Variants in FNDC5 observed in about 807,000 individuals in gnomAD.
The protein encoded by FNDC5 is fibronectin type III domain-containing protein 5.
In FNDC5, 10 loss-of-function variants were observed where a neutral mutation model predicts 24.6. That is an observed-to-expected ratio of 0.41 (90% CI 0.25 to 0.69). The LOEUF (loss-of-function observed/expected upper bound fraction) is 0.69, where lower values mean the gene tolerates loss of function less well. FNDC5 is among the 30% of genes least tolerant of loss of function. The pLI is 0.34. For missense variants in FNDC5, 226 were observed against 282.9 expected (o/e 0.80, Z 1.44); for synonymous variants, 90 against 110.7 (o/e 0.81, Z 1.18).
At chr1:32,870,627 C>T in intron 1 of FNDC5, 26 bp downstream of exon 1, 1 of 1,190,680 alleles carries the variant, frequency 8.4e-7, no homozygotes, top group Non-Finnish European at 1.0e-6. Flanking sequence ...GCCCCGGCGC[C>T]GGCCCCCCGC....
Position 32,863,717 on chromosome 1 carries a change from C to T in FNDC5, c.*577G>A, listed in dbSNP as rs745717447. On this transcript the variant is annotated 3_prime_UTR_variant, in exon 6 of 6. Coordinates refer to ENST00000373471, the MANE Select transcript of FNDC5 (RefSeq NM_153756.3). ...ACCAGCTGAGAAGAAAAATGGAATC[C>T]TTCTCCCTGCAGACAGGCAGTCACG... 2.7e-5 allele frequency: 35 copies of T among 1,304,430 alleles called. No homozygotes were observed. In the South Asian group the frequency reaches 4.1e-4, roughly 15 times the overall value. The allele number at this position is 1,304,430 out of a possible 1,614,324, so 80.8% of individuals were successfully genotyped here. A position where few individuals can be genotyped will look rare whatever the true frequency, so the allele number is the denominator to read the frequency against.
rs898810264 is a variant in FNDC5, at chr1:32,868,449, C to T, written c.211-61G>A. The T allele has an allele frequency of 4.5e-6, 7 of 1,543,194 alleles. No homozygotes were observed. The highest frequency in any genetic ancestry group is 4.1e-5 in the African/African-American group (3 of 73,510). ...GGTGACCAGCCCCGCTCCTGCCCAC[C>T]TCCCAGTGGTGACAAAGCCTTTACA... On this transcript the variant is annotated intron_variant, in intron 2 of 5. Coordinates refer to ENST00000373471, the MANE Select transcript of FNDC5 (RefSeq NM_153756.3). This position sits in a 1 kb window ranked among gnomAD's most constrained non-coding sequence, Gnocchi z 4.8.
At position 32,863,636 on chromosome 1, in the gene FNDC5, T is replaced by C. The variant is rs1382213633; in HGVS notation, c.*658A>G. Reference sequence around the variant, plus strand: ...GAGAAGAGAGAACTGTGCAGCTAGCTGTGCCTCCTCCCCACTGCTGCAGTT... The same window carrying C: ...GAGAAGAGAGAACTGTGCAGCTAGCCGTGCCTCCTCCCCACTGCTGCAGTT... On this transcript the variant is annotated 3_prime_UTR_variant, in exon 6 of 6. Transcript: ENST00000373471. The C allele has an allele frequency of 8.8e-7, 1 of 1,137,774 alleles. No homozygotes were observed. Among genetic ancestry groups the C allele is most frequent in the Non-Finnish European group, 1.2e-6 (1 of 837,898 alleles). 70.5% of individuals were successfully genotyped at this position (1,137,774 alleles called of 1,614,324 possible). A position where few individuals can be genotyped will look rare whatever the true frequency, so the allele number is the denominator to read the frequency against.
At chr1:32,864,446 T>G (rs1338123015) in intron 5 of FNDC5, 147 bp from the exon 6 acceptor site, 14 of 1,478,376 alleles carry the variant, frequency 9.5e-6, no homozygotes, top group Non-Finnish European at 1.3e-5. Flanking sequence ...CACTGCTTTT[T>G]TTTTTTTTTC....
chr1:32,864,751 A>G lies in FNDC5; in HGVS notation c.546T>C (p.Asn182=). 1 of 1,614,072 alleles carries G rather than the reference A, an allele frequency of 6.2e-7. No individual in the cohort carries two copies. Among genetic ancestry groups the G allele is most frequent in the Non-Finnish European group, 8.5e-7 (1 of 1,180,016 alleles). ...TTTTTTCCTTGTTGTTATTGGGTTCATTGTCCTTGATGATGTCATACTGGC... is the reference window on the plus strand; with the variant it reads ...TTTTTTCCTTGTTGTTATTGGGTTCGTTGTCCTTGATGATGTCATACTGGC... Residue 182 remains asparagine (N), a synonymous_variant, in exon 5 of 6, where the codon AAT becomes AAC. Coordinates refer to ENST00000373471, the MANE Select transcript of FNDC5 (RefSeq NM_153756.3).
intron 4 of FNDC5, among the ~76,000 whole-genome samples, chr1:32,866,769 GA>G (rs1569990192): frequency 6.6e-6 from 1 of 152,226 alleles, no homozygotes; most frequent in East Asian, 1.9e-4. Flanking sequence ...GCTTCGCCCA[GA>G]TAGTTCTTTG....
intron 1 of FNDC5, 28 bp from the exon 2 acceptor site, chr1:32,869,025 G>C (rs1281392251): frequency 3.4e-6 from 4 of 1,189,004 alleles, no homozygotes; most frequent in Admixed American, 4.2e-5. Context: ...ACCTAAGCCT[G>C]AGCATCCCCT....
In FNDC5 at chr1:32,863,680, G is replaced by A. The variant is rs72882315; in HGVS notation, c.*614C>T. 1.7e-3 allele frequency: 2,237 copies of A among 1,300,216 alleles called. 28 individuals are homozygous for A. In the African/African-American group the frequency reaches 0.028, roughly 16 times the overall value. The allele number at this position is 1,300,216 out of a possible 1,614,324, so 80.5% of individuals were successfully genotyped here. On this transcript the variant is annotated 3_prime_UTR_variant, in exon 6 of 6. Coordinates refer to ENST00000373471, the MANE Select transcript of FNDC5 (RefSeq NM_153756.3). ...TGCAGTTGTCCCTCTCCCTGTGCCC[G>A]TGGGCCTGGGGACCAGCTGAGAAGA...
chr1:32,870,577 G>T, intron 1 of FNDC5, 76 bp downstream of exon 1: 1 of 919,060 alleles, frequency 1.1e-6, no homozygotes, highest in South Asian at 5.4e-5. Context: ...GCAGAGAAAG[G>T]ACCAGGGGAC....
intron 1 of FNDC5, 95 bp downstream of exon 1, chr1:32,870,558 C>A: frequency 5.5e-6 from 4 of 723,784 alleles, no homozygotes; most frequent in Non-Finnish European, 7.3e-6. Context: ...AGACAGGAGT[C>A]CCTAGGGGGC....
In FNDC5 at chr1:32,863,891, A is replaced by G. The variant is rs1252340669; in HGVS notation, c.*403T>C. On this transcript the variant is annotated 3_prime_UTR_variant, in exon 6 of 6. Coordinates refer to ENST00000373471, the MANE Select transcript of FNDC5 (RefSeq NM_153756.3). ...CAGCAGCAGGGCTGTAGCCTAAATA[A>G]GCCAAGCTCTTGTCCCTTGTGGAAA... 1.6e-5 allele frequency: 21 copies of G among 1,302,652 alleles called. No individual in the cohort carries two copies. The highest frequency in any genetic ancestry group is 2.0e-5 in the Non-Finnish European group (20 of 990,096). 80.7% of individuals were successfully genotyped at this position (1,302,652 alleles called of 1,614,324 possible).
At position 32,868,409 on chromosome 1, in the gene FNDC5, CT is replaced by C; in HGVS notation, c.211-22del. 1 of 1,608,080 alleles carries C rather than the reference CT, an allele frequency of 6.2e-7. No homozygotes were observed. The highest frequency in any genetic ancestry group is 8.5e-7 in the Non-Finnish European group (1 of 1,175,724). ...TTCTTCTGCAGACAAGCGCCGGTCA[CT>C]GCTGTCAACACTCGGTGACCAGCCC... On this transcript the variant is annotated intron_variant, in intron 2 of 5. Coordinates refer to ENST00000373471, the MANE Select transcript of FNDC5 (RefSeq NM_153756.3). This position sits in a 1 kb window ranked among gnomAD's most constrained non-coding sequence, Gnocchi z 4.8.
chr1:32,863,653 G>C lies in FNDC5; in HGVS notation c.*641C>G. 1 of 1,248,510 alleles carries C rather than the reference G, an allele frequency of 8.0e-7. No homozygotes were observed. 77.3% of individuals were successfully genotyped at this position (1,248,510 alleles called of 1,614,324 possible). A position where few individuals can be genotyped will look rare whatever the true frequency, so the allele number is the denominator to read the frequency against. ...CAGCTAGCTGTGCCTCCTCCCCACT[G>C]CTGCAGTTGTCCCTCTCCCTGTGCC... On this transcript the variant is annotated 3_prime_UTR_variant, in exon 6 of 6. Coordinates refer to ENST00000373471, the MANE Select transcript of FNDC5 (RefSeq NM_153756.3).
Position 32,868,437 on chromosome 1 carries a change from G to A in FNDC5, c.211-49C>T, listed in dbSNP as rs567452472. 7.6e-5 allele frequency: 120 copies of A among 1,573,388 alleles called. 1 individual carries two copies. The African/African-American group carries it at 1.1e-3, about 14-fold the overall frequency. On this transcript the variant is annotated intron_variant, in intron 2 of 5. Transcript: ENST00000373471. The surrounding 1 kb of genome is among the most constrained non-coding windows in gnomAD (Gnocchi z 4.8). The stretch of plus-strand genomic sequence containing the variant: ...CTGTCAACACTCGGTGACCAGCCCC[G>A]CTCCTGCCCACCTCCCAGTGGTGAC...
rs759099386 is a variant in FNDC5, at chr1:32,864,028, C to T, written c.*266G>A. On this transcript the variant is annotated 3_prime_UTR_variant, in exon 6 of 6. Coordinates refer to ENST00000373471, the MANE Select transcript of FNDC5 (RefSeq NM_153756.3). The stretch of plus-strand genomic sequence containing the variant: ...GGTCCTGGGCCCATGGCCCCTGGCA[C>T]CCAGTCTACCCCCAGCAGTCATCCC... 9 of 1,391,544 alleles carry T rather than the reference C, an allele frequency of 6.5e-6. No individual in the cohort carries two copies. The highest frequency in any genetic ancestry group is 8.4e-6 in the Non-Finnish European group (9 of 1,069,364). The allele number at this position is 1,391,544 out of a possible 1,614,324, so 86.2% of individuals were successfully genotyped here.
Position 32,862,524 on chromosome 1 carries a change from C to T in FNDC5, c.*1770G>A, listed in dbSNP as rs2148708507. The T allele has an allele frequency of 6.5e-6, 1 of 152,820 alleles. No individual in the cohort carries two copies. The highest frequency in any genetic ancestry group is 2.1e-4 in the South Asian group (1 of 4,822). 9.5% of individuals were successfully genotyped at this position (152,820 alleles called of 1,614,324 possible). A position where few individuals can be genotyped will look rare whatever the true frequency, so the allele number is the denominator to read the frequency against. The stretch of plus-strand genomic sequence containing the variant: ...AAAGCAGAGTGGTGGCAGACCCAGC[C>T]TTGAGAGCTCTTGTAGACCGGAAGG... On this transcript the variant is annotated 3_prime_UTR_variant, in exon 6 of 6. Transcript: ENST00000373471.
At chr1:32,870,485 G>C (rs1641159454) in intron 1 of FNDC5, among the ~76,000 whole-genome samples, 168 bp downstream of exon 1, 1 of 151,904 alleles carries the variant, frequency 6.6e-6, no homozygotes, top group Admixed American at 6.5e-5. Context: ...TGAAGGACAG[G>C]TCTGGGGGTC....
rs1387941730 is a variant in FNDC5, at chr1:32,868,526, A to G, written c.211-138T>C. On this transcript the variant is annotated intron_variant, in intron 2 of 5. Coordinates refer to ENST00000373471, the MANE Select transcript of FNDC5 (RefSeq NM_153756.3). This position sits in a 1 kb window ranked among gnomAD's most constrained non-coding sequence, Gnocchi z 4.8. ...TCCGCTATCAATATCTCCATTTTAC[A>G]GGGAAGGAAACAGGTTCAGAGAGGT... 4 of 1,046,508 alleles carry G rather than the reference A, an allele frequency of 3.8e-6. No homozygotes were observed. Among genetic ancestry groups the G allele is most frequent in the Non-Finnish European group, 5.5e-6 (4 of 733,390 alleles). 64.8% of individuals were successfully genotyped at this position (1,046,508 alleles called of 1,614,324 possible).
In FNDC5 at chr1:32,867,667, C is replaced by CT. The variant is rs1474389501; in HGVS notation, c.499+85dup. ...CTTAGAGATGTCCAAACCCCTTACC[C>CT]TTTTTTTCATGAGAGAAGGGGCTGG... is the stretch of plus-strand genomic sequence containing the variant. On this transcript the variant is annotated intron_variant, in intron 4 of 5. Transcript: ENST00000373471. The CT allele has an allele frequency of 8.2e-5, 111 of 1,356,308 alleles. 3 individuals carry two copies. In the South Asian group the frequency reaches 1.1e-3, roughly 13 times the overall value. 84.0% of individuals were successfully genotyped at this position (1,356,308 alleles called of 1,614,324 possible). A position where few individuals can be genotyped will look rare whatever the true frequency, so the allele number is the denominator to read the frequency against.
Sources: gnomAD v4.1 joint callset for allele counts (sites outside exome capture counted in the v4.1 genomes callset) on GRCh38, gnomAD v4.1.1 for gene constraint, Gnocchi (gnomAD v3.1) non-coding constraint, MANE v1.5 for transcripts, NCBI Gene and HGNC (gene_info 2026-07-23, HGNC 2026-07-21) for gene names.